Variants in OR8B3 observed in about 807,000 individuals in gnomAD.
The protein encoded by OR8B3 is olfactory receptor 8B3.
For synonymous variants in OR8B3, 102 were observed against 135.4 expected (o/e 0.75, Z 1.71); for missense variants, 278 against 377.6 (o/e 0.74, Z 2.19).
rs1860869884 is a variant in OR8B3 at position 124,396,427 on chromosome 11, T to C, written c.925A>G (p.Arg309Gly). The stretch of plus-strand genomic sequence containing the variant: ...GCTTCTAATTAGAATATATTTCTTC[T>C]CTGAATTTTAATCAGAGCTTTCCTC... ...ALRKALIKIQRRNIF is the reference protein window; with the variant it reads ...ALRKALIKIQGRNIF Residue 309 changes from arginine (R) to glycine (G), a missense_variant, in exon 2 of 2, where the codon AGA becomes GGA. Coordinates refer to ENST00000641139, the MANE Select transcript of OR8B3 (RefSeq NM_001005467.2). 1.2e-6 allele frequency: 2 copies of C among 1,600,480 alleles called. No individual in the cohort carries two copies. The highest frequency in any genetic ancestry group is 1.8e-5 in the Admixed American group (1 of 56,484).
rs1168763563 is a variant in OR8B3 at position 124,398,779 on chromosome 11, A to G, written c.-107T>C. On this transcript the variant is annotated 5_prime_UTR_variant, in exon 1 of 2. Transcript: ENST00000641139. The stretch of plus-strand genomic sequence containing the variant: ...GGAAGAAATGGCTGTGAAGGTATCT[A>G]TGTTGATCAGATGTAGTCACAGAAT... 6.6e-6 allele frequency: 1 copy of G among 152,220 alleles called. No homozygotes were observed. The highest frequency in any genetic ancestry group is 2.4e-5 in the African/African-American group (1 of 41,460). The allele number at this position is 152,220 out of a possible 1,614,324, so 9.4% of individuals were successfully genotyped here.
In OR8B3 at chr11:124,397,165, G is replaced by T. The variant is rs1565350929; in HGVS notation, c.187C>A (p.Leu63Ile). The T allele has an allele frequency of 1.2e-6, 2 of 1,612,248 alleles. No homozygotes were observed. Reference sequence around the variant, plus strand: ...AGATCAATGAAGGAGAGATTGAAGAGGAAATAGTACATTGGTGTGTGGAGG... The same window carrying T: ...AGATCAATGAAGGAGAGATTGAAGATGAAATAGTACATTGGTGTGTGGAGG... ...SHLHTPMYYF[L>I]FNLSFIDLCY... The change falls in exon 2 of 2, where the codon CTC becomes ATC. Residue 63 changes from leucine to isoleucine, a missense_variant. By Grantham distance (5) the Leu-to-Ile change is conservative. Coordinates refer to ENST00000641139, the MANE Select transcript of OR8B3 (RefSeq NM_001005467.2).
In OR8B3 at chr11:124,397,058, C is replaced by A. The variant is rs1461134378; in HGVS notation, c.294G>T (p.Met98Ile). ...AAAAGAGAAAGAAAAACAGCTGAGT[C>A]ATGCACCCAACATAGGAGATAATAT... Reference protein sequence around the residue: ...KKNIISYVGCMTQLFFFLFFV... With the variant: ...KKNIISYVGCITQLFFFLFFV... Residue 98 changes from methionine to isoleucine, a missense_variant, in exon 2 of 2, where the codon ATG becomes ATT. Met to Ile is a conservative substitution (Grantham distance 10). Transcript: ENST00000641139. 3.1e-6 allele frequency: 5 copies of A among 1,613,768 alleles called. No individual in the cohort carries two copies. The highest frequency in any genetic ancestry group is 4.2e-6 in the Non-Finnish European group (5 of 1,179,878).
chr11:124,409,474 G>A, the OR8B3 span, among the ~76,000 whole-genome samples: 20 of 152,226 alleles, frequency 1.3e-4, no homozygotes. Context: ...GTTAACACCA[G>A]TTACCCATTA....
Position 124,396,961 on chromosome 11 carries a change from G to C in OR8B3, c.391C>G (p.Leu131Val). 1 of 1,613,030 alleles carries C rather than the reference G, an allele frequency of 6.2e-7. No homozygotes were observed. Among genetic ancestry groups the C allele is most frequent in the South Asian group, 1.1e-5 (1 of 90,994 alleles). ...DRYVAICNPLLYKVTMSHQVC... is the reference protein window; with the variant it reads ...DRYVAICNPLVYKVTMSHQVC... The stretch of plus-strand genomic sequence containing the variant: ...TGATGGGACATGGTGACCTTATACA[G>C]CAATGGATTACAGATGGCCACATAG... Residue 131 changes from leucine to valine, a missense_variant, in exon 2 of 2, where the codon CTG (leucine) becomes GTG (valine). Physicochemically the swap from Leu to Val is conservative, Grantham distance 32. Coordinates refer to ENST00000641139, the MANE Select transcript of OR8B3 (RefSeq NM_001005467.2).
chr11:124,406,543 C>T, the OR8B3 span, among the ~76,000 whole-genome samples: 6 of 152,020 alleles, frequency 3.9e-5, no homozygotes, highest in South Asian at 2.1e-4. Context: ...ACTCCTTCTC[C>T]GTTCATTATT....
upstream of OR8B3, among the ~76,000 whole-genome samples, chr11:124,403,553 T>C (rs1213879170): frequency 2.2e-5 from 3 of 137,752 alleles, no homozygotes; most frequent in Admixed American, 1.4e-4. Flanking sequence ...TCTCAGACGA[T>C]GGGCGGCCGG....
At chr11:124,403,155 T>C (rs376663754), upstream of OR8B3, among the ~76,000 whole-genome samples, 17 of 152,368 alleles carry the variant, frequency 1.1e-4, no homozygotes, top group East Asian at 2.7e-3. Flanking sequence ...GGTAAGGTCA[T>C]AGATCAACAG....
At chr11:124,401,984 G>T (rs1320347276), upstream of OR8B3, among the ~76,000 whole-genome samples, 2 of 152,178 alleles carry the variant, frequency 1.3e-5, no homozygotes, top group Non-Finnish European at 2.9e-5. Flanking sequence ...GTGCCTCTTT[G>T]GTCAGGCTGT....
upstream of OR8B3, among the ~76,000 whole-genome samples, chr11:124,401,222 C>CAGACAGAGAGAGAGAGAGAGAG (rs1555071083): frequency 7.0e-6 from 1 of 142,398 alleles, no homozygotes; most frequent in Non-Finnish European, 1.5e-5. Flanking sequence ...TGCAAAGAGA[C>CAGACAGAGAGAGAGAGAGAGAG]AGAGAGAGAG....
chr11:124,406,965 A>C, the OR8B3 span, among the ~76,000 whole-genome samples: 1 of 151,948 alleles, frequency 6.6e-6, no homozygotes, highest in South Asian at 2.1e-4. Context: ...TTTTTATTTT[A>C]TTTCTTTTTC....
At chr11:124,398,507 G>A (rs145107543) in intron 1 of OR8B3, among the ~76,000 whole-genome samples, 183 bp downstream of exon 1, 3,991 of 152,214 alleles carry the variant, frequency 0.026, 123 homozygotes, top group African/African-American at 0.069. Flanking sequence ...TGTGTCACTT[G>A]GAACTGCTAT....
chr11:124,407,023 G>A, the OR8B3 span, among the ~76,000 whole-genome samples: 1 of 151,950 alleles, frequency 6.6e-6, no homozygotes, highest in Non-Finnish European at 1.5e-5. Context: ...TGCTTTGATA[G>A]TCTATGATTT....
At chr11:124,400,661 C>T (rs1184233485), upstream of OR8B3, among the ~76,000 whole-genome samples, 1 of 152,080 alleles carries the variant, frequency 6.6e-6, no homozygotes, top group Non-Finnish European at 1.5e-5. Context: ...ACCTCTGCCT[C>T]CTGAGTAGCT....
rs929826944 is a variant in OR8B3 at position 124,395,748 on chromosome 11, A to T, written c.*662T>A. The T allele has an allele frequency of 2.6e-5, 4 of 152,240 alleles. No homozygotes were observed. Among genetic ancestry groups the T allele is most frequent in the Admixed American group, 6.5e-5 (1 of 15,276 alleles). The allele number at this position is 152,240 out of a possible 1,614,324, so 9.4% of individuals were successfully genotyped here. On this transcript the variant is annotated 3_prime_UTR_variant, in exon 2 of 2. Transcript: ENST00000641139. ...TATTATTTCTCTAATCATCCTCTGT[A>T]AATGCTGCCTTTGGCAATAAAAGGT... is the stretch of plus-strand genomic sequence containing the variant.
At position 124,397,091 on chromosome 11, in the gene OR8B3, T is replaced by A; in HGVS notation, c.261A>T (p.Ser87=). 1 of 1,613,890 alleles carries A rather than the reference T, an allele frequency of 6.2e-7. No individual in the cohort carries two copies. Among genetic ancestry groups the A allele is most frequent in the Non-Finnish European group, 8.5e-7 (1 of 1,179,868 alleles). The stretch of plus-strand genomic sequence containing the variant: ...CAACATAGGAGATAATATTCTTTTT[T>A]GATACAAAGTTCATTAGCATTTTGG... ...FTPKMLMNFV[S]KKNIISYVGC... is the part of the protein sequence containing the mutation. Residue 87 remains serine, a synonymous_variant, in exon 2 of 2, where the codon TCA becomes TCT. Coordinates refer to ENST00000641139, the MANE Select transcript of OR8B3 (RefSeq NM_001005467.2).
the OR8B3 span, among the ~76,000 whole-genome samples, chr11:124,407,907 C>T: frequency 6.6e-6 from 1 of 152,088 alleles, no homozygotes; most frequent in African/African-American, 2.4e-5. Context: ...AACATTGTAT[C>T]TTCCATTCCA....
chr11:124,406,354 A>G, the OR8B3 span, among the ~76,000 whole-genome samples: 1 of 152,188 alleles, frequency 6.6e-6, no homozygotes, highest in South Asian at 2.1e-4. Context: ...TGCCTGGAAT[A>G]TGGAAAGAGT....
At chr11:124,409,440 A>G in the OR8B3 span, among the ~76,000 whole-genome samples, 1 of 152,220 alleles carries the variant, frequency 6.6e-6, no homozygotes, top group Non-Finnish European at 1.5e-5. Context: ...TTTAAAAGGT[A>G]AGTTAATAAA....
Sources: allele counts gnomAD v4.1 joint callset (sites outside exome capture counted in the v4.1 genomes callset), GRCh38; gene constraint gnomAD v4.1.1; transcripts MANE v1.5; gene names NCBI Gene and HGNC (gene_info 2026-07-23, HGNC 2026-07-21).